SIPA1L3: variants seen among roughly 807,000 people sequenced by gnomAD.
SIPA1L3 encodes the protein signal-induced proliferation-associated 1-like protein 3.
Under a neutral mutation model 150.1 loss-of-function variants are expected in SIPA1L3, and 59 were observed. That is an observed-to-expected ratio of 0.39 (90% CI 0.32 to 0.49). SIPA1L3 has a LOEUF of 0.49. SIPA1L3 is among the 20% of genes least tolerant of loss of function. The pLI, the probability that SIPA1L3 is intolerant of heterozygous loss-of-function variation, is 0.86. For missense variants in SIPA1L3, 2,211 were observed against 2,489.5 expected (o/e 0.89, Z 2.38); for synonymous variants, 1,070 against 1,077.6 (o/e 0.99, Z 0.14).
chr19:37,927,654 G>GGT (rs57987208), intron 1 of SIPA1L3, among the ~76,000 whole-genome samples: 1,654 of 136,804 alleles, frequency 0.012, 9 homozygotes, highest in South Asian at 0.027. Flanking sequence ...AAGAACATGG[G>GGT]GTGTGTGTGT....
chr19:38,047,806 T>A lies in SIPA1L3; in HGVS notation c.-311+18650T>A, dbSNP rs1357437071. Reference sequence around the variant, plus strand: ...GCAGTCCAGATCCTGAAGTCCGACCTTTGATTCAGGAACAGAGCAGCTGCA... The same window carrying A: ...GCAGTCCAGATCCTGAAGTCCGACCATTGATTCAGGAACAGAGCAGCTGCA... On this transcript the variant is annotated intron_variant, in intron 2 of 21. Transcript: ENST00000222345. This position sits in a 1 kb window ranked among gnomAD's most constrained non-coding sequence, Gnocchi z 4.7. 6.6e-6 allele frequency among the ~76,000 whole-genome samples: 1 copy of A among 152,208 alleles called. No individual in the cohort carries two copies. Among genetic ancestry groups the A allele is most frequent in the Non-Finnish European group, 1.5e-5 (1 of 68,042 alleles).
At chr19:38,011,420 G>A (rs1448723372) in intron 1 of SIPA1L3, among the ~76,000 whole-genome samples, 3 of 152,214 alleles carry the variant, frequency 2.0e-5, no homozygotes, top group African/African-American at 4.8e-5. Flanking sequence ...AGGCTGCAGT[G>A]AGCCATGATT....
intron 19 of SIPA1L3, chr19:38,201,072 G>GC (rs1973078209): frequency 6.6e-6 from 1 of 152,660 alleles, no homozygotes; most frequent in East Asian, 1.9e-4. Context: ...CTGGCCCTCT[G>GC]CCCTGCCCTG....
At chr19:37,952,581 G>T (rs2046774424) in intron 1 of SIPA1L3, among the ~76,000 whole-genome samples, 1 of 152,142 alleles carries the variant, frequency 6.6e-6, no homozygotes, top group Non-Finnish European at 1.5e-5. Context: ...GCTGAGGCAG[G>T]AGAATTCCTT....
At chr19:38,100,972 G>A in intron 5 of SIPA1L3, 80 bp from the exon 6 acceptor site, 1 of 1,438,738 alleles carries the variant, frequency 7.0e-7, no homozygotes, top group Non-Finnish European at 9.1e-7. Flanking sequence ...AGGGCCTCAG[G>A]CCTCAGACAT....
chr19:37,993,000 C>T (rs574708539), intron 1 of SIPA1L3, among the ~76,000 whole-genome samples: 5 of 152,278 alleles, frequency 3.3e-5, no homozygotes, highest in South Asian at 4.1e-4. Context: ...TCCTCAGACT[C>T]GCTGGGTCAG....
intron 1 of SIPA1L3, among the ~76,000 whole-genome samples, chr19:37,909,830 G>A (rs771887751): frequency 4.6e-5 from 7 of 152,154 alleles, no homozygotes; most frequent in East Asian, 1.9e-4. Context: ...ATTTATTAGC[G>A]CTCCCCTTAG....
At chr19:38,070,992 A>G (rs1969701753) in intron 2 of SIPA1L3, among the ~76,000 whole-genome samples, 1 of 152,132 alleles carries the variant, frequency 6.6e-6, no homozygotes. Flanking sequence ...CCTCTAAGCA[A>G]AGGCCTGTGA....
At chr19:37,931,783 G>A (rs994963245) in intron 1 of SIPA1L3, among the ~76,000 whole-genome samples, 2 of 152,054 alleles carry the variant, frequency 1.3e-5, no homozygotes, top group African/African-American at 4.8e-5. Flanking sequence ...AAATAAAGTA[G>A]TGGGTAAAAA....
At chr19:37,975,546 T>C (rs1367206130) in intron 1 of SIPA1L3, among the ~76,000 whole-genome samples, 3 of 152,190 alleles carry the variant, frequency 2.0e-5, no homozygotes, top group Non-Finnish European at 4.4e-5. Flanking sequence ...GCCCATTTCA[T>C]TGGTGGATGT....
At chr19:38,057,732 C>T (rs947801699) in intron 2 of SIPA1L3, among the ~76,000 whole-genome samples, 8 of 151,868 alleles carry the variant, frequency 5.3e-5, no homozygotes, top group East Asian at 1.9e-4. Context: ...CTGCAAGCTC[C>T]GCCTCCCAGG....
chr19:38,129,142 C>T lies in SIPA1L3; in HGVS notation c.2869-1356C>T, dbSNP rs530181949. Among the ~76,000 whole-genome samples the T allele has an allele frequency of 1.0e-3, 159 of 152,226 alleles. 1 individual carries two copies. The highest frequency in any genetic ancestry group is 1.8e-3 in the Non-Finnish European group (120 of 68,020). ...ATCCCAAGAAGAGGGGATCGCTTAA[C>T]AGCATGCTGGGGGGAGGGGGCAGGG... On this transcript the variant is annotated intron_variant, in intron 9 of 21. Coordinates refer to ENST00000222345, the MANE Select transcript of SIPA1L3 (RefSeq NM_015073.3).
At chr19:38,114,386 G>T (rs968359945) in intron 8 of SIPA1L3, among the ~76,000 whole-genome samples, 1 of 147,344 alleles carries the variant, frequency 6.8e-6, no homozygotes, top group Non-Finnish European at 1.5e-5. Context: ...TCATGCCATT[G>T]CACTCCAGCC....
chr19:38,067,498 C>T (rs1036151643), intron 2 of SIPA1L3, among the ~76,000 whole-genome samples: 4 of 152,142 alleles, frequency 2.6e-5, no homozygotes, highest in East Asian at 1.9e-4. Context: ...CGTGGTGGCT[C>T]AAGTCTGTAA....
intron 15 of SIPA1L3, among the ~76,000 whole-genome samples, chr19:38,167,247 A>AAAAAAAAAAAAG: frequency 6.6e-6 from 1 of 151,630 alleles, no homozygotes. Flanking sequence ...AAAAAAAAAA[A>AAAAAAAAAAAAG]AGGTGAAGCA....
At chr19:37,947,275 G>A (rs940567375) in intron 1 of SIPA1L3, among the ~76,000 whole-genome samples, 5 of 151,858 alleles carry the variant, frequency 3.3e-5, no homozygotes, top group African/African-American at 1.2e-4. Context: ...GGATCACAAG[G>A]TCAGGAGATC....
At chr19:38,114,829 G>A (rs146559794) in intron 8 of SIPA1L3, among the ~76,000 whole-genome samples, 6 of 152,368 alleles carry the variant, frequency 3.9e-5, no homozygotes, top group Admixed American at 6.5e-5. Flanking sequence ...GATGGAGAGC[G>A]AGGGGGATCT....
rs950567154 is a variant in SIPA1L3, at chr19:38,081,804, G to A, written c.239G>A (p.Arg80His). The A allele has an allele frequency of 1.1e-5, 18 of 1,612,976 alleles. No individual in the cohort carries two copies. Among genetic ancestry groups the A allele is most frequent in the East Asian group, 2.2e-5 (1 of 44,836 alleles). The change falls in exon 3 of 22, where the codon CGC becomes CAC. Residue 80 changes from arginine to histidine, a missense_variant. Transcript: ENST00000222345. ...CCCGCAATGCCCAAGATGGGCGTGC[G>A]CGCAAGGGTGGCCGACTGGCCGCCC... ...TTPAMPKMGVRARVADWPPKR... is the reference protein window; with the variant it reads ...TTPAMPKMGVHARVADWPPKR...
At chr19:37,970,737 G>A (rs1158345496) in intron 1 of SIPA1L3, among the ~76,000 whole-genome samples, 1 of 152,226 alleles carries the variant, frequency 6.6e-6, no homozygotes, top group African/African-American at 2.4e-5. Context: ...ATTGGGTAAA[G>A]CAAACATGCT....
Sources: gnomAD v4.1 joint callset for allele counts (sites outside exome capture counted in the v4.1 genomes callset) on GRCh38, gnomAD v4.1.1 for gene constraint, Gnocchi (gnomAD v3.1) non-coding constraint, MANE v1.5 for transcripts, NCBI Gene and HGNC (gene_info 2026-07-23, HGNC 2026-07-21) for gene names.